The following PUS7 variants were observed in gnomAD, a reference collection of about 807,000 sequenced individuals.
PUS7 encodes the protein pseudouridylate synthase 7 homolog.
PUS7 carries 48 observed loss-of-function variants against 79.8 expected under a neutral mutation model. The ratio of observed to expected loss-of-function variants is 0.60; its 90% CI spans 0.48 to 0.76. The LOEUF is 0.76. Ranked by LOEUF, PUS7 falls within the 30% of genes least tolerant of loss-of-function variation. PUS7 has a pLI of 0.00. For missense variants in PUS7, 729 were observed against 797.6 expected (o/e 0.91, Z 1.04); for synonymous variants, 286 against 272.2 (o/e 1.05, Z -0.50).
In PUS7 at chr7:105,457,815, T is replaced by G. The variant is rs1273609522; in HGVS notation, c.1961A>C (p.Gln654Pro). Residue 654 changes from glutamine to proline, a missense_variant, in exon 16 of 16, where the codon CAG (glutamine) becomes CCG (proline). Coordinates refer to ENST00000469408, the MANE Select transcript of PUS7 (RefSeq NM_019042.5). The stretch of plus-strand genomic sequence containing the variant: ...TCAGCGAAGCCAGGTTGTATTCAGC[T>G]GCGTCTGGTTCTTGATACTGGTATC... ...KMDTSIKNQTQLNTTWLR is the reference protein window; with the variant it reads ...KMDTSIKNQTPLNTTWLR 1 of 1,614,138 alleles carries G rather than the reference T, an allele frequency of 6.2e-7. No homozygotes were observed. Among genetic ancestry groups the G allele is most frequent in the Admixed American group, 1.7e-5 (1 of 60,010 alleles).
Position 105,481,087 on chromosome 7 carries a change from A to C in PUS7, c.1140T>G (p.Phe380Leu). The C allele has an allele frequency of 6.2e-7, 1 of 1,613,106 alleles. No individual in the cohort carries two copies. Among genetic ancestry groups the C allele is most frequent in the Non-Finnish European group, 8.5e-7 (1 of 1,179,468 alleles). The change falls in exon 9 of 16, where the codon TTT becomes TTG. Residue 380 changes from phenylalanine to leucine, a missense_variant. Coordinates refer to ENST00000469408, the MANE Select transcript of PUS7 (RefSeq NM_019042.5). ...GFINYYGMQRFGTTAVPTYQV... is the reference protein window; with the variant it reads ...GFINYYGMQRLGTTAVPTYQV... ...GATACGTAGGGACAGCTGTGGTTCC[A>C]AATCTTTGCATTCCATAGTAGTTAA...
At chr7:105,506,368 C>T in intron 2 of PUS7, 95 bp from the exon 3 acceptor site, 2 of 826,438 alleles carry the variant, frequency 2.4e-6, no homozygotes, top group Non-Finnish European at 3.8e-6. Flanking sequence ...TACTATTATG[C>T]AAAACAAGGA....
At chr7:105,462,482 T>C (rs1823472673) in intron 14 of PUS7, 139 bp downstream of exon 14, 5 of 935,870 alleles carry the variant, frequency 5.3e-6, no homozygotes, top group Non-Finnish European at 8.0e-6. Context: ...GGTGTTATAA[T>C]CTTATGATAC....
intron 7 of PUS7, among the ~76,000 whole-genome samples, chr7:105,483,426 A>G (rs1223670576): frequency 6.7e-6 from 1 of 148,152 alleles, no homozygotes; most frequent in South Asian, 2.2e-4. Flanking sequence ...CGGCCTCCCA[A>G]AGTGCTGAGA....
intron 5 of PUS7, among the ~76,000 whole-genome samples, chr7:105,496,222 T>G (rs370221487): frequency 0.7 from 58,679 of 83,894 alleles, 20,076 homozygotes; most frequent in East Asian, 0.76. Context: ...TATATATATA[T>G]ATATAGAGAG....
intron 5 of PUS7, 64 bp downstream of exon 5, chr7:105,502,356 A>G: frequency 1.9e-6 from 3 of 1,593,118 alleles, no homozygotes; most frequent in Non-Finnish European, 2.6e-6. Context: ...GGGCAAGGCT[A>G]ACGAGGAGCG....
intron 11 of PUS7, among the ~76,000 whole-genome samples, chr7:105,469,757 C>T (rs565393128): frequency 3.9e-5 from 6 of 152,136 alleles, no homozygotes; most frequent in African/African-American, 1.4e-4. Context: ...ACTGCGCGGG[C>T]CTGTTTTGTA....
chr7:105,472,302 G>A, intron 9 of PUS7, 109 bp from the exon 10 acceptor site: 1 of 647,632 alleles, frequency 1.5e-6, no homozygotes, highest in Non-Finnish European at 2.7e-6. Flanking sequence ...CCGAAGCCTT[G>A]ACCTCCCAGG....
intron 1 of PUS7, among the ~76,000 whole-genome samples, chr7:105,513,327 T>C (rs1825768655): frequency 6.6e-6 from 1 of 152,062 alleles, no homozygotes; most frequent in South Asian, 2.1e-4. Context: ...GTCAGCAAAA[T>C]ATTCACCTCC....
At chr7:105,509,107 C>A (rs1224154719) in intron 1 of PUS7, among the ~76,000 whole-genome samples, 1 of 136,930 alleles carries the variant, frequency 7.3e-6, no homozygotes, top group Non-Finnish European at 1.5e-5. Flanking sequence ...TCGCTTGAAC[C>A]TGGGAGGCGG....
At chr7:105,461,175 A>C (rs962220608) in intron 14 of PUS7, among the ~76,000 whole-genome samples, 7 of 152,162 alleles carry the variant, frequency 4.6e-5, no homozygotes, top group Non-Finnish European at 8.8e-5. Context: ...TCCTCTCTAG[A>C]AACATGATAT....
rs191611749 is a variant in PUS7, at chr7:105,520,615, C to T, written c.-33+1437G>A. Among the ~76,000 whole-genome samples, 480 of 151,182 alleles carry T rather than the reference C, an allele frequency of 3.2e-3. 1 individual carries two copies. The highest frequency in any genetic ancestry group is 4.0e-3 in the Non-Finnish European group (271 of 67,792). ...CGTGCACATGTAATCCCAGCTACTC[C>T]GGAGGCTGAGGCAGGAGAATCGCTT... On this transcript the variant is annotated intron_variant, in intron 1 of 15. Coordinates refer to ENST00000469408, the MANE Select transcript of PUS7 (RefSeq NM_019042.5).
At chr7:105,487,476 G>T (rs975293850) in intron 7 of PUS7, among the ~76,000 whole-genome samples, 1 of 152,140 alleles carries the variant, frequency 6.6e-6, no homozygotes, top group Non-Finnish European at 1.5e-5. Context: ...ATATACGATA[G>T]ACATCCATCT....
Position 105,495,240 on chromosome 7 carries a change from A to T in PUS7, c.744T>A (p.His248Gln), listed in dbSNP as rs368537795. 1.9e-6 allele frequency: 3 copies of T among 1,603,178 alleles called. No homozygotes were observed. Among genetic ancestry groups the T allele is most frequent in the Non-Finnish European group, 2.6e-6 (3 of 1,171,462 alleles). Residue 248 changes from histidine (H) to glutamine (Q), a missense_variant, in exon 6 of 16, where the codon CAT becomes CAA. His to Gln is a conservative substitution (Grantham distance 24, BLOSUM62 0). Transcript: ENST00000469408. Reference protein sequence around the residue: ...GKKALANPRKHSWPKSRGSYC... With the variant: ...GKKALANPRKQSWPKSRGSYC... ...AACTTCCCCTAGATTTTGGCCAAGA[A>T]TGTTTTCTTGGATCTTGAAAGCAAA... is the stretch of plus-strand genomic sequence containing the variant.
At chr7:105,521,773 C>A (rs896762355) in intron 1 of PUS7, among the ~76,000 whole-genome samples, 6 of 152,018 alleles carry the variant, frequency 3.9e-5, no homozygotes, top group Non-Finnish European at 7.4e-5. Flanking sequence ...AGCGCTCGGG[C>A]GCGGCGCCTC....
At chr7:105,502,631 A>G (rs1231666641) in intron 4 of PUS7, 67 bp from the exon 5 acceptor site, 3 of 1,518,710 alleles carry the variant, frequency 2.0e-6, no homozygotes, top group Non-Finnish European at 1.8e-6. Context: ...TAATACAGTG[A>G]ATTAGTAAAA....
At chr7:105,470,901 A>G (rs750053778) in intron 10 of PUS7, 53 bp from the exon 11 acceptor site, 103 of 1,488,036 alleles carry the variant, frequency 6.9e-5, no homozygotes, top group African/African-American at 5.2e-4. Flanking sequence ...ACAGACTTCC[A>G]TAACTTAAAG....
intron 2 of PUS7, 92 bp from the exon 3 acceptor site, chr7:105,506,365 A>G (rs77972725): frequency 0.074 from 63,108 of 858,566 alleles, 2,935 homozygotes; most frequent in South Asian, 0.14. Flanking sequence ...CCTTACTATT[A>G]TGCAAAACAA....
intron 12 of PUS7, among the ~76,000 whole-genome samples, chr7:105,468,026 G>A (rs1232497351): frequency 6.6e-6 from 1 of 151,768 alleles, no homozygotes; most frequent in Non-Finnish European, 1.5e-5. Context: ...TCTGCCTCCT[G>A]GGTTCAAGCG....
Sources: allele counts gnomAD v4.1 joint callset (sites outside exome capture counted in the v4.1 genomes callset), GRCh38; gene constraint gnomAD v4.1.1; transcripts MANE v1.5; gene names NCBI Gene and HGNC (gene_info 2026-07-23, HGNC 2026-07-21).